Variants in CTNNA2 observed in about 807,000 individuals in gnomAD.
CTNNA2 encodes catenin alpha 2.
Under a neutral mutation model 101.0 loss-of-function variants are expected in CTNNA2, and 42 were observed. That is an observed-to-expected ratio of 0.42 (90% CI 0.32 to 0.54). CTNNA2 has a LOEUF of 0.54. Ranked by LOEUF, CTNNA2 falls within the 20% of genes least tolerant of loss-of-function variation. CTNNA2 has a pLI of 0.14. For missense variants in CTNNA2, 871 were observed against 1,223.1 expected (o/e 0.71, Z 4.29); for synonymous variants, 450 against 456.4 (o/e 0.99, Z 0.18).
chr2:79,874,908 G>C (rs1027815739), intron 6 of CTNNA2, among the ~76,000 whole-genome samples: 1 of 152,154 alleles, frequency 6.6e-6, no homozygotes, highest in African/African-American at 2.4e-5. Flanking sequence ...ATAATTTGAC[G>C]ATCATCTTTA....
chr2:79,985,510 C>T (rs1460525128), intron 7 of CTNNA2, among the ~76,000 whole-genome samples: 2 of 152,110 alleles, frequency 1.3e-5, no homozygotes, highest in South Asian at 2.1e-4. Context: ...ACACACAGTA[C>T]GTGCTCAATA....
chr2:80,051,303 C>T (rs1439578322), intron 7 of CTNNA2, among the ~76,000 whole-genome samples: 2 of 152,106 alleles, frequency 1.3e-5, no homozygotes, highest in Non-Finnish European at 2.9e-5. Context: ...AATGGTGCAT[C>T]CAATTCTTCT....
At chr2:79,941,274 C>T (rs1486433932) in intron 7 of CTNNA2, among the ~76,000 whole-genome samples, 2 of 152,186 alleles carry the variant, frequency 1.3e-5, no homozygotes, top group Admixed American at 1.3e-4. Context: ...GTCTTATACT[C>T]ATTTATTTTG....
intron 7 of CTNNA2, among the ~76,000 whole-genome samples, chr2:80,022,176 G>A (rs1467117631): frequency 6.6e-6 from 1 of 152,180 alleles, no homozygotes; most frequent in Non-Finnish European, 1.5e-5. Context: ...GGGTTTATAT[G>A]ACAGCACTGA....
chr2:79,828,400 T>G (rs139655828), intron 3 of CTNNA2, among the ~76,000 whole-genome samples: 1 of 152,312 alleles, frequency 6.6e-6, no homozygotes, highest in East Asian at 1.9e-4. Flanking sequence ...CAACTAAAAA[T>G]GAGGACCCCG....
chr2:79,234,840 G>C (rs1257978771), intron 2 of CTNNA2, among the ~76,000 whole-genome samples: 1 of 152,110 alleles, frequency 6.6e-6, no homozygotes, highest in Non-Finnish European at 1.5e-5. Context: ...ACTTCCAATT[G>C]TGTTGTGGAA....
chr2:79,341,446 G>T (rs546788834), intron 3 of CTNNA2, among the ~76,000 whole-genome samples: 1 of 152,142 alleles, frequency 6.6e-6, no homozygotes, highest in African/African-American at 2.4e-5. Context: ...TACTGATTAA[G>T]AACATTAGTT....
At position 79,520,253 on chromosome 2, in the gene CTNNA2, C is replaced by T. The variant is rs115031241; in HGVS notation, c.-6+7046C>T. Among the ~76,000 whole-genome samples the T allele has an allele frequency of 6.8e-3, 1,030 of 152,284 alleles. 16 individuals are homozygous for T. The highest frequency in any genetic ancestry group is 0.023 in the African/African-American group (962 of 41,570). ...TCTGTTACCCTAAAATCTTCTCTTC[C>T]GACTGATCTGCTCTCTGTCACTATA... is the stretch of plus-strand genomic sequence containing the variant. On this transcript the variant is annotated intron_variant, in intron 1 of 18. Transcript: ENST00000402739.
chr2:79,597,190 C>T (rs967553816), intron 1 of CTNNA2, among the ~76,000 whole-genome samples: 5 of 152,224 alleles, frequency 3.3e-5, no homozygotes, highest in African/African-American at 9.6e-5. Context: ...TAGCTGCCCC[C>T]GTCCGGGCGC....
At chr2:79,427,880 GA>G (rs931305633) in intron 4 of CTNNA2, among the ~76,000 whole-genome samples, 33 of 151,978 alleles carry the variant, frequency 2.2e-4, no homozygotes, top group African/African-American at 7.7e-4. Flanking sequence ...TAAAGGAACA[GA>G]TAATTTTGTG....
chr2:80,503,982 G>A (rs913878439), intron 9 of CTNNA2, among the ~76,000 whole-genome samples: 1 of 152,110 alleles, frequency 6.6e-6, no homozygotes, highest in Non-Finnish European at 1.5e-5. Flanking sequence ...GCTATTTTTT[G>A]CAGAAATTAC....
At chr2:80,384,609 T>A (rs2149354140) in intron 7 of CTNNA2, among the ~76,000 whole-genome samples, 1 of 150,950 alleles carries the variant, frequency 6.6e-6, no homozygotes, top group Middle Eastern at 3.4e-3. Context: ...GGTGAGTGGG[T>A]GTCATGGAAA....
At chr2:80,189,213 C>T (rs771880281) in intron 7 of CTNNA2, among the ~76,000 whole-genome samples, 38 of 152,142 alleles carry the variant, frequency 2.5e-4, no homozygotes, top group Non-Finnish European at 3.7e-4. Context: ...CTTGGCCTTC[C>T]AAAGTGCTGG....
At chr2:79,803,290 C>G (rs981001314) in intron 3 of CTNNA2, among the ~76,000 whole-genome samples, 3 of 152,210 alleles carry the variant, frequency 2.0e-5, no homozygotes, top group Admixed American at 6.5e-5. Context: ...TTAAGATACA[C>G]ACACAGAAAT....
At chr2:79,664,009 A>G (rs1385174148) in intron 2 of CTNNA2, among the ~76,000 whole-genome samples, 1 of 152,220 alleles carries the variant, frequency 6.6e-6, no homozygotes, top group Non-Finnish European at 1.5e-5. Flanking sequence ...ACAATCAACA[A>G]TTGTTTATTG....
intron 4 of CTNNA2, among the ~76,000 whole-genome samples, chr2:79,437,917 G>T (rs1678734874): frequency 6.6e-6 from 1 of 152,088 alleles, no homozygotes; most frequent in Non-Finnish European, 1.5e-5. Context: ...TTTCTGACAG[G>T]CTGTGATTCC....
chr2:79,556,279 G>T (rs1056557707), intron 1 of CTNNA2, among the ~76,000 whole-genome samples: 3 of 151,980 alleles, frequency 2.0e-5, no homozygotes, highest in African/African-American at 7.2e-5. Flanking sequence ...AACTGGGAAG[G>T]GTTAGGAGTG....
chr2:80,010,697 T>C (rs1284469831), intron 7 of CTNNA2, among the ~76,000 whole-genome samples: 2 of 135,572 alleles, frequency 1.5e-5, no homozygotes, highest in African/African-American at 2.5e-5. Flanking sequence ...GCAAAAGTAA[T>C]TGTGGTTTTT....
chr2:80,523,163 A>C (rs1689719822), intron 9 of CTNNA2, among the ~76,000 whole-genome samples: 1 of 152,208 alleles, frequency 6.6e-6, no homozygotes, highest in Non-Finnish European at 1.5e-5. Context: ...TATTAGAGGA[A>C]AACATTTATT....
Sources: gnomAD v4.1 joint callset for allele counts (sites outside exome capture counted in the v4.1 genomes callset) on GRCh38, gnomAD v4.1.1 for gene constraint, MANE v1.5 for transcripts, NCBI Gene and HGNC (gene_info 2026-07-23, HGNC 2026-07-21) for gene names.